Variants in ADGRB1 observed in about 807,000 individuals in gnomAD.
The protein encoded by ADGRB1 is brain-specific angiogenesis inhibitor 1.
In ADGRB1, 36 loss-of-function variants were observed where a neutral mutation model predicts 175.7. The ratio of observed to expected loss-of-function variants is 0.20; its 90% CI spans 0.16 to 0.27. The LOEUF (loss-of-function observed/expected upper bound fraction) is 0.27. Ranked by LOEUF, ADGRB1 falls within the 10% of genes least tolerant of loss-of-function variation. The pLI is 1.00. For missense variants in ADGRB1, 1,731 were observed against 2,255.3 expected, an observed-to-expected ratio of 0.77 and a Z score of 4.71; for synonymous variants, 1,054 against 979.4, an observed-to-expected ratio of 1.08 and a Z score of -1.42.
intron 2 of ADGRB1, among the ~76,000 whole-genome samples, chr8:142,466,788 CAGG>C (rs1840302279): frequency 1.3e-5 from 2 of 152,136 alleles, no homozygotes; most frequent in Non-Finnish European, 2.9e-5. Context: ...TGGGAGGCTG[CAGG>C]AGGACTGGGC....
In ADGRB1 at chr8:142,510,819, C is replaced by CGGGCCG. The variant is rs1033230155; in HGVS notation, c.2676-96_2676-91dup. 85 of 439,672 alleles carry CGGGCCG rather than the reference C, an allele frequency of 1.9e-4. No individual in the cohort carries two copies. The highest frequency in any genetic ancestry group is 1.0e-3 in the African/African-American group (47 of 45,736). 27.2% of individuals were successfully genotyped at this position (439,672 alleles called of 1,614,324 possible). A position where few individuals can be genotyped will look rare whatever the true frequency, so the allele number is the denominator to read the frequency against. ...GGCTGCGGGCGCAGGTGCGGGGCGG[C>CGGGCCG]GGGCCGGGGCCGGGGCCGGGGCGCG... On this transcript the variant is annotated intron_variant, in intron 17 of 30. Transcript: ENST00000517894. The surrounding 1 kb of genome is among the most constrained non-coding windows in gnomAD (Gnocchi z 6.3).
intron 24 of ADGRB1, among the ~76,000 whole-genome samples, chr8:142,527,046 T>G (rs1844246722): frequency 6.6e-6 from 1 of 152,228 alleles, no homozygotes; most frequent in African/African-American, 2.4e-5. Context: ...CCTGTCTTTG[T>G]GGGACCTTCA....
chr8:142,453,260 CAT>C (rs1012721076), intron 1 of ADGRB1, among the ~76,000 whole-genome samples: 11 of 152,214 alleles, frequency 7.2e-5, no homozygotes, highest in African/African-American at 2.4e-4. Flanking sequence ...CAGACTTGCA[CAT>C]GTGTGTGCGT....
At chr8:142,514,784 G>T (rs1453261662) in intron 18 of ADGRB1, among the ~76,000 whole-genome samples, 1 of 152,162 alleles carries the variant, frequency 6.6e-6, no homozygotes, top group Non-Finnish European at 1.5e-5. Flanking sequence ...TCAGGGTTTA[G>T]TGTGTGGCTG....
chr8:142,487,409 G>A lies in ADGRB1; in HGVS notation c.2309-955G>A, dbSNP rs577124916. Among the ~76,000 whole-genome samples the A allele has an allele frequency of 1.2e-4, 19 of 152,222 alleles. No individual in the cohort carries two copies. The East Asian group carries it at 1.6e-3, about 12-fold the overall frequency. On this transcript the variant is annotated intron_variant, in intron 13 of 30. Coordinates refer to ENST00000517894, the MANE Select transcript of ADGRB1 (RefSeq NM_001702.3). ...CCTGCCCCTCCGCTCACTGGGTGCT[G>A]ACCCAGTCCGAATTCCCTCTGCCCT...
chr8:142,451,481 T>C (rs1399587674), intron 1 of ADGRB1, among the ~76,000 whole-genome samples: 3 of 152,056 alleles, frequency 2.0e-5, no homozygotes, highest in African/African-American at 7.2e-5. Flanking sequence ...CGCAGATTCC[T>C]GGGCTGCAAC....
chr8:142,454,690 C>A (rs1839555398), intron 1 of ADGRB1, among the ~76,000 whole-genome samples: 1 of 152,174 alleles, frequency 6.6e-6, no homozygotes, highest in African/African-American at 2.4e-5. Context: ...GTGCTCCACT[C>A]CTCGGGGTTA....
In ADGRB1 at chr8:142,504,592, G is replaced by C. The variant is rs1842768795; in HGVS notation, c.2676-6340G>C. Among the ~76,000 whole-genome samples the C allele has an allele frequency of 6.6e-6, 1 of 152,100 alleles. No individual in the cohort carries two copies. The highest frequency in any genetic ancestry group is 1.5e-5 in the Non-Finnish European group (1 of 68,000). ...ATGCCCAGGAGCTCATGGAAGGGCAGGGGGGAAGTCTGGTTATCCAGGTAG... is the reference window on the plus strand; with the variant it reads ...ATGCCCAGGAGCTCATGGAAGGGCACGGGGGAAGTCTGGTTATCCAGGTAG... On this transcript the variant is annotated intron_variant, in intron 17 of 30. Coordinates refer to ENST00000517894, the MANE Select transcript of ADGRB1 (RefSeq NM_001702.3). This position sits in a 1 kb window ranked among gnomAD's most constrained non-coding sequence, Gnocchi z 5.6.
chr8:142,520,386 G>T (rs1843731028), intron 19 of ADGRB1, among the ~76,000 whole-genome samples: 5 of 124,702 alleles, frequency 4.0e-5, no homozygotes, highest in Non-Finnish European at 1.7e-5. Context: ...TGGTGGTGAT[G>T]GTAGTGATTG....
intron 12 of ADGRB1, 38 bp downstream of exon 12, chr8:142,484,083 G>A (rs1841532596): frequency 1.3e-6 from 2 of 1,584,538 alleles, no homozygotes; most frequent in Non-Finnish European, 1.7e-6. Context: ...AGCCTCAGGA[G>A]GGGTGCAGGC....
At chr8:142,478,387 G>A (rs1175705991) in intron 7 of ADGRB1, 27 bp downstream of exon 7, 1 of 1,564,278 alleles carries the variant, frequency 6.4e-7, no homozygotes, top group Non-Finnish European at 8.7e-7. Flanking sequence ...GCTGGGGTCG[G>A]GGGGCACCTA....
intron 17 of ADGRB1, among the ~76,000 whole-genome samples, chr8:142,503,755 T>C (rs1191566195): frequency 6.6e-6 from 1 of 152,174 alleles, no homozygotes; most frequent in Admixed American, 6.5e-5. Flanking sequence ...CCTCTGTGCC[T>C]CTGCCCAGGT....
At chr8:142,483,006 T>C (rs1469072610) in intron 11 of ADGRB1, among the ~76,000 whole-genome samples, 18 of 123,572 alleles carry the variant, frequency 1.5e-4, no homozygotes, top group African/African-American at 2.8e-4. Flanking sequence ...TGAGCCCTGA[T>C]TCTGGTCACA....
At chr8:142,459,385 G>C (rs1447745642) in intron 1 of ADGRB1, among the ~76,000 whole-genome samples, 1 of 152,166 alleles carries the variant, frequency 6.6e-6, no homozygotes, top group Non-Finnish European at 1.5e-5. Context: ...GCCAGCCCAG[G>C]GGAGCCGAGG....
intron 17 of ADGRB1, among the ~76,000 whole-genome samples, chr8:142,499,202 G>C (rs1438528595): frequency 6.6e-6 from 1 of 152,236 alleles, no homozygotes; most frequent in Non-Finnish European, 1.5e-5. Context: ...CACTGGCGGG[G>C]AGGCTGTGGG....
At chr8:142,502,647 ATGG>A (rs1842680466) in intron 17 of ADGRB1, among the ~76,000 whole-genome samples, 3 of 52,824 alleles carry the variant, frequency 5.7e-5, no homozygotes, top group African/African-American at 4.8e-4. Flanking sequence ...GACGGTGGTG[ATGG>A]TGGTGATGGT....
At position 142,544,952 on chromosome 8, in the gene ADGRB1, G is replaced by A. The variant is rs1845497872; in HGVS notation, c.*535G>A. 6.5e-6 allele frequency: 1 copy of A among 152,762 alleles called. No individual in the cohort carries two copies. The highest frequency in any genetic ancestry group is 6.5e-5 in the Admixed American group (1 of 15,294). 9.5% of individuals were successfully genotyped at this position (152,762 alleles called of 1,614,324 possible). On this transcript the variant is annotated 3_prime_UTR_variant, in exon 31 of 31. Transcript: ENST00000517894. ...GAGTCCCCTCCAGGAAGAAGCAGGG[G>A]GGAATCTATTTTTTCTCTCCTTTTC...
At chr8:142,469,638 T>C (rs1477528594) in intron 2 of ADGRB1, among the ~76,000 whole-genome samples, 1 of 151,478 alleles carries the variant, frequency 6.6e-6, no homozygotes, top group Non-Finnish European at 1.5e-5. Flanking sequence ...TGTGTGTATG[T>C]GCACGTGCGT....
chr8:142,481,444 A>T (rs892517268), intron 10 of ADGRB1, 73 bp from the exon 11 acceptor site: 66 of 1,589,066 alleles, frequency 4.2e-5, no homozygotes, highest in Non-Finnish European at 5.5e-5. Flanking sequence ...GGTCCTAGGC[A>T]TGGGAGATCC....
Sources: allele counts gnomAD v4.1 joint callset (sites outside exome capture counted in the v4.1 genomes callset), GRCh38; gene constraint gnomAD v4.1.1; non-coding constraint Gnocchi (gnomAD v3.1); transcripts MANE v1.5; gene names NCBI Gene and HGNC (gene_info 2026-07-23, HGNC 2026-07-21).